MAPK3: variants seen among roughly 807,000 people sequenced by gnomAD.
MAPK3 encodes MAPK 1.
Under a neutral mutation model 41.8 loss-of-function variants are expected in MAPK3, and 30 were observed. The ratio of observed to expected loss-of-function variants is 0.72; its 90% CI spans 0.54 to 0.97. The LOEUF (loss-of-function observed/expected upper bound fraction) is 0.97, where lower values mean the gene tolerates loss of function less well. Ranked by LOEUF, MAPK3 falls within the 50% of genes least tolerant of loss-of-function variation. MAPK3 has a pLI of 0.00. For missense variants in MAPK3, 413 were observed against 509.9 expected, an observed-to-expected ratio of 0.81 and a Z score of 1.83; for synonymous variants, 222 against 213.4, an observed-to-expected ratio of 1.04 and a Z score of -0.35.
At chr16:30,121,426 C>G (rs1035903103) in intron 2 of MAPK3, among the ~76,000 whole-genome samples, 1 of 152,158 alleles carries the variant, frequency 6.6e-6, no homozygotes, top group Admixed American at 6.6e-5. Flanking sequence ...TTTCTTTCTC[C>G]CTGTCTCCCT....
chr16:30,117,790 G>A lies in MAPK3; in HGVS notation c.661-6C>T. 6.2e-7 allele frequency: 1 copy of A among 1,607,706 alleles called. No homozygotes were observed. The highest frequency in any genetic ancestry group is 8.5e-7 in the Non-Finnish European group (1 of 1,174,264). On this transcript the variant is annotated splice_polypyrimidine_tract_variant and splice_region_variant and intron_variant, in intron 4 of 8. Coordinates refer to ENST00000263025, the MANE Select transcript of MAPK3 (RefSeq NM_002746.3). ...TCGATGGACTTGGTATAGCCCTGGG[G>A]GAGAGGAGGAAGTGGTGAGCTCCTG...
intron 4 of MAPK3, 77 bp from the exon 5 acceptor site, chr16:30,117,861 C>T: frequency 1.6e-6 from 2 of 1,247,810 alleles, no homozygotes; most frequent in Non-Finnish European, 2.3e-6. Flanking sequence ...GCCACCACCT[C>T]CAAGTTAGAT....
chr16:30,122,068 G>A, intron 1 of MAPK3, 62 bp from the exon 2 acceptor site: 1 of 1,554,042 alleles, frequency 6.4e-7, no homozygotes, highest in Non-Finnish European at 8.8e-7. Context: ...GGGCCTGGTG[G>A]CCCCACCCAG....
At chr16:30,117,534 A>G in intron 5 of MAPK3, 136 bp downstream of exon 5, 2 of 764,056 alleles carry the variant, frequency 2.6e-6, no homozygotes, top group South Asian at 1.6e-5. Context: ...AATGGGGATA[A>G]TATCTATACC....
In MAPK3 at chr16:30,118,142, G is replaced by T. The variant is rs780719391; in HGVS notation, c.565C>A (p.Arg189=). 5 of 1,613,940 alleles carry T rather than the reference G, an allele frequency of 3.1e-6. No homozygotes were observed. The highest frequency in any genetic ancestry group is 4.2e-6 in the Non-Finnish European group (5 of 1,179,992). ...TGGTCATGCTCAGGATCGGCAATCCGGGCCAGGCCGAAATCACAAATCTGG... is the reference window on the plus strand; with the variant it reads ...TGGTCATGCTCAGGATCGGCAATCCTGGCCAGGCCGAAATCACAAATCTGG... ...DLKICDFGLA[R]IADPEHDHTG... Residue 189 remains arginine (R), a synonymous_variant, in exon 4 of 9, where the codon CGG becomes AGG. Transcript: ENST00000263025.
rs1177884379 is a variant in MAPK3 at position 30,121,922 on chromosome 16, C to T, written c.255G>A (p.Thr85=). The T allele has an allele frequency of 1.7e-5, 27 of 1,614,166 alleles. No homozygotes were observed. The highest frequency in any genetic ancestry group is 2.3e-5 in the Non-Finnish European group (27 of 1,180,022). The change falls in exon 2 of 9, where the codon ACG becomes ACA. Residue 85 remains threonine (T), a synonymous_variant. Transcript: ENST00000263025. ...GCAGCAGGATCTGGATCTCCCGGAG[C>T]GTGCGCTGGCAGTAGGTCTGATGTT... ...PFEHQTYCQR[T]LREIQILLRF...
chr16:30,117,074 C>T, intron 6 of MAPK3, 71 bp from the exon 7 acceptor site: 1 of 1,599,252 alleles, frequency 6.3e-7, no homozygotes, highest in South Asian at 1.1e-5. Context: ...CTTTGCCTGT[C>T]TCCTCCAGCG....
chr16:30,119,095 T>C (rs928258104), intron 2 of MAPK3, among the ~76,000 whole-genome samples: 2 of 151,686 alleles, frequency 1.3e-5, no homozygotes, highest in South Asian at 2.1e-4. Context: ...TGAGCCAAGA[T>C]TGTGTCACTG....
chr16:30,122,049 G>A (rs762308393), intron 1 of MAPK3, 43 bp from the exon 2 acceptor site: 2 of 1,605,300 alleles, frequency 1.2e-6, no homozygotes, highest in Non-Finnish European at 1.7e-6. Flanking sequence ...CCTTACAAAG[G>A]GGGAGTCCGG....
At chr16:30,117,572 G>T in intron 5 of MAPK3, 98 bp downstream of exon 5, 1 of 914,122 alleles carries the variant, frequency 1.1e-6, no homozygotes, top group Non-Finnish European at 1.8e-6. Context: ...GATGCTGGAG[G>T]CACCCCACAC....
chr16:30,118,190 C>T (rs375114157), intron 3 of MAPK3, 27 bp from the exon 4 acceptor site: 148 of 1,602,382 alleles, frequency 9.2e-5, no homozygotes, highest in Non-Finnish European at 7.9e-5. Context: ...CTGCTAAGCT[C>T]GGCGCTCAAG....
chr16:30,118,281 C>G (rs1450260911), intron 3 of MAPK3, 68 bp downstream of exon 3: 2 of 1,576,114 alleles, frequency 1.3e-6, no homozygotes, highest in African/African-American at 2.7e-5. Context: ...CTGCCCAAGG[C>G]TTCTTCTACT....
In MAPK3 at chr16:30,116,923, G is replaced by C. The variant is rs778983958; in HGVS notation, c.988C>G (p.Leu330Val). 2.0e-5 allele frequency: 32 copies of C among 1,613,856 alleles called. No homozygotes were observed. The highest frequency in any genetic ancestry group is 8.9e-5 in the East Asian group (4 of 44,882). ...TVEEALAHPY[L>V]EQYYDPTDEP... ...TCCGTCGGGTCATAGTACTGCTCCA[G>C]GTAGGGGTGAGCCAGCGCTTCCTCC... is the stretch of plus-strand genomic sequence containing the variant. The change falls in exon 7 of 9, where the codon CTG (leucine) becomes GTG (valine). Residue 330 changes from leucine to valine, a missense_variant. Physicochemically the swap from Leu to Val is conservative, Grantham distance 32 (BLOSUM62 1). Coordinates refer to ENST00000263025, the MANE Select transcript of MAPK3 (RefSeq NM_002746.3).
chr16:30,118,752 A>T (rs1456667591), intron 2 of MAPK3, among the ~76,000 whole-genome samples: 1 of 152,112 alleles, frequency 6.6e-6, no homozygotes, highest in Admixed American at 6.6e-5. Context: ...GCTGATCCTG[A>T]GCAAGGGGCT....
intron 4 of MAPK3, 104 bp downstream of exon 4, chr16:30,117,942 AG>A (rs1280966442): frequency 8.5e-7 from 1 of 1,171,606 alleles, no homozygotes; most frequent in African/African-American, 1.5e-5. Context: ...CAAGGCCCAG[AG>A]GGTAGAATTC....
Position 30,117,134 on chromosome 16 carries a change from C to T in MAPK3, c.907+20G>A, listed in dbSNP as rs765949413. On this transcript the variant is annotated intron_variant, in intron 6 of 8. Coordinates refer to ENST00000263025, the MANE Select transcript of MAPK3 (RefSeq NM_002746.3). ...CGACACCCAAGGTTTATCCCACACCCACCCTCATGTCTCTCGAACCTTTGG... is the reference window on the plus strand; with the variant it reads ...CGACACCCAAGGTTTATCCCACACCTACCCTCATGTCTCTCGAACCTTTGG... The T allele has an allele frequency of 6.2e-7, 1 of 1,614,034 alleles. No individual in the cohort carries two copies. The highest frequency in any genetic ancestry group is 8.5e-7 in the Non-Finnish European group (1 of 1,179,948).
At chr16:30,117,641 C>T in intron 5 of MAPK3, 29 bp downstream of exon 5, 1 of 1,570,254 alleles carries the variant, frequency 6.4e-7, no homozygotes, top group East Asian at 2.2e-5. Context: ...GCTAATCATC[C>T]CCAACTCAGC....
At chr16:30,120,682 CTTTTTTT>C (rs34799400) in intron 2 of MAPK3, among the ~76,000 whole-genome samples, 1 of 113,176 alleles carries the variant, frequency 8.8e-6, no homozygotes, top group Non-Finnish European at 1.8e-5. Context: ...GCTTCCTCAT[CTTTTTTT>C]TTTTTTTTTT....
chr16:30,118,236 T>C, intron 3 of MAPK3, 73 bp from the exon 4 acceptor site: 2 of 1,569,606 alleles, frequency 1.3e-6, no homozygotes, highest in South Asian at 2.2e-5. Context: ...CCCCTTGTCT[T>C]TGCCTCCACT....
Sources: gnomAD v4.1 joint callset for allele counts (sites outside exome capture counted in the v4.1 genomes callset) on GRCh38, gnomAD v4.1.1 for gene constraint, MANE v1.5 for transcripts, NCBI Gene and HGNC (gene_info 2026-07-23, HGNC 2026-07-21) for gene names.